Variants in RABGAP1L observed in about 807,000 individuals in gnomAD.
RABGAP1L encodes RAB GTPase activating protein 1 like.
A neutral mutation model predicts 137.7 loss-of-function variants in RABGAP1L; 63 were observed. That is an observed-to-expected ratio of 0.46 (90% CI 0.37 to 0.56). The LOEUF (loss-of-function observed/expected upper bound fraction) is 0.56, where lower values mean the gene tolerates loss of function less well. Ranked by LOEUF, RABGAP1L falls within the 20% of genes least tolerant of loss-of-function variation. The pLI is 0.00. For missense variants in RABGAP1L, 1,095 were observed against 1,244.0 expected, an observed-to-expected ratio of 0.88 and a Z score of 1.80; for synonymous variants, 431 against 433.7, an observed-to-expected ratio of 0.99 and a Z score of 0.08.
At chr1:174,962,479 C>T (rs114253304) in intron 20 of RABGAP1L, among the ~76,000 whole-genome samples, 1,640 of 152,234 alleles carry the variant, frequency 0.011, 31 homozygotes, top group African/African-American at 0.038. Flanking sequence ...AATGATTCCT[C>T]TATGTTTCCA....
At chr1:174,797,979 C>T (rs1688400752) in intron 18 of RABGAP1L, among the ~76,000 whole-genome samples, 1 of 151,742 alleles carries the variant, frequency 6.6e-6, no homozygotes, top group Non-Finnish European at 1.5e-5. Flanking sequence ...CACTATGTTG[C>T]CCAGGTTAGA....
At chr1:174,464,930 G>T (rs929819644) in intron 13 of RABGAP1L, among the ~76,000 whole-genome samples, 1 of 152,052 alleles carries the variant, frequency 6.6e-6, no homozygotes, top group African/African-American at 2.4e-5. Flanking sequence ...AACTAGCAAG[G>T]TAGTCTCTTC....
At chr1:174,920,561 C>T (rs1014449055) in intron 19 of RABGAP1L, among the ~76,000 whole-genome samples, 2 of 152,182 alleles carry the variant, frequency 1.3e-5, no homozygotes, top group Non-Finnish European at 2.9e-5. Context: ...GTTGAATTGT[C>T]TTTACCGCAT....
At chr1:174,434,384 C>T (rs890027092) in intron 13 of RABGAP1L, among the ~76,000 whole-genome samples, 10 of 151,924 alleles carry the variant, frequency 6.6e-5, no homozygotes, top group Admixed American at 2.6e-4. Flanking sequence ...GATGGATGTG[C>T]GTGGGCTGTT....
chr1:174,435,110 C>G (rs1410096278), intron 13 of RABGAP1L, among the ~76,000 whole-genome samples: 1 of 152,140 alleles, frequency 6.6e-6, no homozygotes, highest in Non-Finnish European at 1.5e-5. Context: ...TAGCTTAGAA[C>G]TCTGGACTGA....
At chr1:174,390,162 T>C (rs1687106880) in intron 12 of RABGAP1L, among the ~76,000 whole-genome samples, 1 of 152,210 alleles carries the variant, frequency 6.6e-6, no homozygotes, top group Non-Finnish European at 1.5e-5. Context: ...ATAATTGCTG[T>C]ACTGTTACTT....
intron 24 of RABGAP1L, among the ~76,000 whole-genome samples, chr1:174,986,235 C>T (rs893460875): frequency 1.3e-5 from 2 of 152,152 alleles, no homozygotes; most frequent in African/African-American, 4.8e-5. Flanking sequence ...GGGCATGAGC[C>T]GCCGTGCCCA....
At chr1:174,769,039 T>C (rs1685900648) in intron 18 of RABGAP1L, among the ~76,000 whole-genome samples, 1 of 152,190 alleles carries the variant, frequency 6.6e-6, no homozygotes, top group African/African-American at 2.4e-5. Flanking sequence ...ATTGTCACTG[T>C]AACCACCTGA....
At chr1:174,211,936 T>C (rs558898875) in intron 1 of RABGAP1L, among the ~76,000 whole-genome samples, 2 of 152,282 alleles carry the variant, frequency 1.3e-5, no homozygotes, top group Non-Finnish European at 2.9e-5. Flanking sequence ...GATATAATGA[T>C]TGTACATATA....
intron 4 of RABGAP1L, among the ~76,000 whole-genome samples, chr1:174,240,628 T>G (rs893494234): frequency 1.3e-4 from 20 of 152,212 alleles, no homozygotes; most frequent in African/African-American, 4.8e-4. Context: ...TGTATTCCGT[T>G]GTTGAATTCA....
At chr1:174,929,753 A>AAAT (rs1663440866) in intron 19 of RABGAP1L, among the ~76,000 whole-genome samples, 8 of 140,822 alleles carry the variant, frequency 5.7e-5, no homozygotes, top group Non-Finnish European at 1.1e-4. Context: ...GTCTCTACAA[A>AAAT]AAATAAATAA....
At chr1:174,261,721 G>T (rs1178684700) in intron 7 of RABGAP1L, among the ~76,000 whole-genome samples, 1 of 152,088 alleles carries the variant, frequency 6.6e-6, no homozygotes, top group Admixed American at 6.6e-5. Context: ...GATTTACTTA[G>T]TACTTATTTT....
intron 13 of RABGAP1L, among the ~76,000 whole-genome samples, chr1:174,470,595 C>T (rs1657804636): frequency 6.6e-6 from 1 of 151,936 alleles, no homozygotes; most frequent in African/African-American, 2.4e-5. Flanking sequence ...GGTGAAACCC[C>T]GTCTCTACTA....
chr1:174,207,733 G>C (rs1328139116), intron 1 of RABGAP1L, among the ~76,000 whole-genome samples: 3 of 152,172 alleles, frequency 2.0e-5, no homozygotes, highest in Non-Finnish European at 4.4e-5. Context: ...TGTGCAGATA[G>C]GTCTTTTTTA....
intron 19 of RABGAP1L, among the ~76,000 whole-genome samples, chr1:174,849,259 T>G (rs1269184772): frequency 6.6e-6 from 1 of 152,058 alleles, no homozygotes; most frequent in Non-Finnish European, 1.5e-5. Context: ...GTCACAGTCT[T>G]AAGAGTCAGG....
intron 13 of RABGAP1L, among the ~76,000 whole-genome samples, chr1:174,617,935 C>G (rs886235719): frequency 6.6e-6 from 1 of 152,214 alleles, no homozygotes; most frequent in East Asian, 1.9e-4. Flanking sequence ...AATCGGGTCA[C>G]TCCCACCCGA....
At chr1:174,700,229 C>G (rs1557996942) in intron 16 of RABGAP1L, among the ~76,000 whole-genome samples, 1 of 152,144 alleles carries the variant, frequency 6.6e-6, no homozygotes, top group Non-Finnish European at 1.5e-5. Context: ...AAGATTGTGA[C>G]CACAGGCAAA....
chr1:174,973,125 A>AT (rs1458488779), intron 21 of RABGAP1L, among the ~76,000 whole-genome samples: 1 of 152,146 alleles, frequency 6.6e-6, no homozygotes, highest in African/African-American at 2.4e-5. Context: ...TCTGTTTAAC[A>AT]TAAGAGGAGA....
chr1:174,740,379 C>T (rs1231321975), intron 17 of RABGAP1L, among the ~76,000 whole-genome samples: 3 of 151,970 alleles, frequency 2.0e-5, no homozygotes, highest in African/African-American at 7.3e-5. Context: ...ACTGGTTTCC[C>T]AACATGATAT....
Sources: allele counts gnomAD v4.1 joint callset (sites outside exome capture counted in the v4.1 genomes callset), GRCh38; gene constraint gnomAD v4.1.1; transcripts MANE v1.5; gene names NCBI Gene and HGNC (gene_info 2026-07-23, HGNC 2026-07-21).